TTC21A: variants seen among roughly 807,000 people sequenced by gnomAD.
TTC21A encodes tetratricopeptide repeat domain 21A.
In TTC21A, 128 loss-of-function variants were observed where a neutral mutation model predicts 156.4. The ratio of observed to expected loss-of-function variants is 0.82; its 90% CI spans 0.71 to 0.95. The LOEUF (loss-of-function observed/expected upper bound fraction) is 0.95. Among genes scored for constraint, TTC21A ranks in the 40% least tolerant of loss-of-function variants. TTC21A has a pLI of 0.00. For missense variants in TTC21A, 1,435 were observed against 1,602.3 expected (o/e 0.90, Z 1.78); for synonymous variants, 587 against 617.1 (o/e 0.95, Z 0.72).
chr3:39,117,264 C>G (rs2037373590), intron 6 of TTC21A, among the ~76,000 whole-genome samples: 1 of 152,164 alleles, frequency 6.6e-6, no homozygotes, highest in Non-Finnish European at 1.5e-5. Flanking sequence ...ACAGTGCTTT[C>G]AGAAGTATCA....
intron 1 of TTC21A, 63 bp downstream of exon 1, chr3:39,107,927 G>A (rs2036362172): frequency 3.1e-6 from 5 of 1,591,280 alleles, no homozygotes; most frequent in Non-Finnish European, 3.4e-6. Context: ...CCCAGAGACC[G>A]TCTGCCCTGC....
chr3:39,128,276 A>C (rs1559699348), intron 12 of TTC21A, 55 bp from the exon 13 acceptor site: 4 of 1,567,392 alleles, frequency 2.6e-6, no homozygotes, highest in Non-Finnish European at 3.5e-6. Flanking sequence ...CTTGCATATC[A>C]GGTCTTAGGA....
In TTC21A at chr3:39,130,883, T is replaced by C. The variant is rs1288224307; in HGVS notation, c.2458+44T>C. 2 of 1,612,286 alleles carry C rather than the reference T, an allele frequency of 1.2e-6. No individual in the cohort carries two copies. The highest frequency in any genetic ancestry group is 1.7e-6 in the Non-Finnish European group (2 of 1,178,624). ...CCATTTCTAGCATTTGGAGCAGACA[T>C]ACTCCTCCCCCATTCCCCATTAGCT... On this transcript the variant is annotated intron_variant, in intron 18 of 28. Transcript: ENST00000683103. The surrounding 1 kb of genome is among the most constrained non-coding windows in gnomAD (Gnocchi z 4.5).
chr3:39,108,191 TA>T, intron 1 of TTC21A: 2 of 545,030 alleles, frequency 3.7e-6, no homozygotes, highest in Non-Finnish European at 6.5e-6. Flanking sequence ...CTTCACCATT[TA>T]ATCTCCTAGC....
rs780217328 is a variant in TTC21A at position 39,137,644 on chromosome 3, T to G, written c.3609T>G (p.Ile1203Met). 1 of 1,614,170 alleles carries G rather than the reference T, an allele frequency of 6.2e-7. No individual in the cohort carries two copies. Among genetic ancestry groups the G allele is most frequent in the Admixed American group, 1.7e-5 (1 of 60,028 alleles). ...LEKSWLLLAD[I>M]YCQGSKFDLA... ...AGAGCTGGCTCCTGCTGGCTGACAT[T>G]TACTGCCAGGGCAGCAAGTTCGACC... Residue 1203 changes from isoleucine (I) to methionine (M), a missense_variant, in exon 26 of 29, where the codon ATT becomes ATG. By Grantham distance (10) the Ile-to-Met change is conservative (BLOSUM62 1). Transcript: ENST00000683103.
In TTC21A at chr3:39,137,726, C is replaced by T. The variant is rs369901862; in HGVS notation, c.3675+16C>T. 30 of 1,602,894 alleles carry T rather than the reference C, an allele frequency of 1.9e-5. No homozygotes were observed. The African/African-American group carries it at 3.9e-4, about 21-fold the overall frequency. The stretch of plus-strand genomic sequence containing the variant: ...ATACAACAAGGCAAGGAGCCACACA[C>T]ACACTAGGGCTGCGGGATGGCGGAA... On this transcript the variant is annotated intron_variant, in intron 26 of 28. Transcript: ENST00000683103.
chr3:39,108,192 A>C, intron 1 of TTC21A: 1 of 541,134 alleles, frequency 1.8e-6, no homozygotes. Context: ...TTCACCATTT[A>C]ATCTCCTAGC....
In TTC21A at chr3:39,134,017, A is replaced by G. The variant is rs1171280559; in HGVS notation, c.2752-201A>G. Among the ~76,000 whole-genome samples, 4 of 152,172 alleles carry G rather than the reference A, an allele frequency of 2.6e-5. No individual in the cohort carries two copies. The highest frequency in any genetic ancestry group is 5.9e-5 in the Non-Finnish European group (4 of 68,024). The stretch of plus-strand genomic sequence containing the variant: ...AATGTGTTAGCTTGGCCCAACTTTC[A>G]GAGGTTAGTAAGACACAGGGTATGA... On this transcript the variant is annotated intron_variant, in intron 20 of 28. Transcript: ENST00000683103. The surrounding 1 kb of genome is among the most constrained non-coding windows in gnomAD (Gnocchi z 4.6).
At chr3:39,126,508 A>ACACACACACT in intron 12 of TTC21A, 118 bp downstream of exon 12, 1 of 988,664 alleles carries the variant, frequency 1.0e-6, no homozygotes, top group Admixed American at 2.2e-5. Flanking sequence ...ACACACACAC[A>ACACACACACT]CACACACACA....
At chr3:39,135,288 TCC>T in intron 22 of TTC21A, 114 bp downstream of exon 22, 5 of 892,306 alleles carry the variant, frequency 5.6e-6, no homozygotes, top group Non-Finnish European at 9.2e-6. Context: ...AGCCCCTTCC[TCC>T]CTGATTGTTC....
At chr3:39,124,813 C>G (rs2038085867) in intron 9 of TTC21A, among the ~76,000 whole-genome samples, 1 of 151,974 alleles carries the variant, frequency 6.6e-6, no homozygotes, top group Admixed American at 6.6e-5. Context: ...CAAATTGTTC[C>G]TAGTGGTTAT....
chr3:39,109,844 A>G (rs1057248668), intron 2 of TTC21A, among the ~76,000 whole-genome samples, 185 bp from the exon 3 acceptor site: 8 of 152,234 alleles, frequency 5.3e-5, no homozygotes, highest in Non-Finnish European at 8.8e-5. Context: ...AGCCCCTAAC[A>G]GCCTGGACCA....
intron 4 of TTC21A, 26 bp from the exon 5 acceptor site, chr3:39,112,432 C>A: frequency 1.2e-6 from 2 of 1,613,488 alleles, no homozygotes; most frequent in South Asian, 2.2e-5. Context: ...CCAAGGACTT[C>A]ATCTTTCATC....
chr3:39,115,091 A>G (rs1458832461), intron 6 of TTC21A, among the ~76,000 whole-genome samples: 1 of 152,184 alleles, frequency 6.6e-6, no homozygotes, highest in East Asian at 1.9e-4. Flanking sequence ...ATGAGACTAG[A>G]ATATATTGCA....
rs768677989 is a variant in TTC21A, at chr3:39,137,661, A to G, written c.3626A>G (p.Lys1209Arg). 1.9e-6 allele frequency: 3 copies of G among 1,614,012 alleles called. No homozygotes were observed. In the African/African-American group the frequency reaches 4.0e-5, roughly 22 times the overall value. ...GCTGACATTTACTGCCAGGGCAGCA[A>G]GTTCGACCTCGCCTTAGAACTGCTG... The part of the protein sequence containing the change: ...LLADIYCQGS[K>R]FDLALELLRR... The change falls in exon 26 of 29, where the codon AAG becomes AGG. Residue 1209 changes from lysine to arginine, a missense_variant. Physicochemically the swap from Lys to Arg is conservative, Grantham distance 26. Coordinates refer to ENST00000683103, the MANE Select transcript of TTC21A (RefSeq NM_001366900.1).
At chr3:39,138,442 A>G in intron 27 of TTC21A, 55 bp downstream of exon 27, 1 of 1,613,386 alleles carries the variant, frequency 6.2e-7, no homozygotes, top group Non-Finnish European at 8.5e-7. Flanking sequence ...GGTGGGCAGG[A>G]GGGCCCCCAC....
chr3:39,120,909 A>C, intron 8 of TTC21A, 88 bp from the exon 9 acceptor site: 1 of 1,240,698 alleles, frequency 8.1e-7, no homozygotes, highest in Non-Finnish European at 1.1e-6. Flanking sequence ...AGCCCTGCCT[A>C]CCAAAGTGTC....
At chr3:39,116,117 C>T (rs1354593672) in intron 6 of TTC21A, among the ~76,000 whole-genome samples, 1 of 152,240 alleles carries the variant, frequency 6.6e-6, no homozygotes, top group Non-Finnish European at 1.5e-5. Flanking sequence ...TTTGTGGCCT[C>T]CCTGGCCCTG....
chr3:39,124,658 C>CAAAAAAAAAAAA lies in TTC21A; in HGVS notation c.1094-401_1094-390dup, dbSNP rs60845030. 8.7e-4 allele frequency among the ~76,000 whole-genome samples: 62 copies of CAAAAAAAAAAAA among 70,970 alleles called. 3 individuals carry two copies. The highest frequency in any genetic ancestry group is 1.0e-3 in the Non-Finnish European group (35 of 34,910). 46.6% of individuals were successfully genotyped at this position (70,970 alleles called of 152,430 possible). Reference sequence around the variant, plus strand: ...TGGGCAAAAGAGCGAAACTCCGTCTCAAAAAAAAAAAAAAAGCAGATTGTA... The same window carrying CAAAAAAAAAAAA: ...TGGGCAAAAGAGCGAAACTCCGTCTCAAAAAAAAAAAAAAAAAAAAAAAAAAAGCAGATTGTA... On this transcript the variant is annotated intron_variant, in intron 9 of 28. Transcript: ENST00000683103.
Sources: allele counts gnomAD v4.1 joint callset (sites outside exome capture counted in the v4.1 genomes callset), GRCh38; gene constraint gnomAD v4.1.1; non-coding constraint Gnocchi (gnomAD v3.1); transcripts MANE v1.5; gene names NCBI Gene and HGNC (gene_info 2026-07-23, HGNC 2026-07-21).